ARHGEF33: variants seen among roughly 807,000 people sequenced by gnomAD.
ARHGEF33 encodes the protein DH and coiled-coil domain-containing protein ENSP00000381780.
ARHGEF33 carries 72 observed loss-of-function variants against 101.9 expected under a neutral mutation model. The ratio of observed to expected loss-of-function variants is 0.71; its 90% CI spans 0.58 to 0.86. ARHGEF33 has a LOEUF of 0.86. ARHGEF33 is among the 40% of genes least tolerant of loss of function. The pLI is 0.00. For missense variants in ARHGEF33, 1,169 were observed against 1,111.3 expected (o/e 1.05, Z -0.74); for synonymous variants, 499 against 442.5 (o/e 1.13, Z -1.60).
chr2:38,897,239 C>T (rs1666142407), intron 2 of ARHGEF33, among the ~76,000 whole-genome samples: 1 of 152,156 alleles, frequency 6.6e-6, no homozygotes, highest in Non-Finnish European at 1.5e-5. Context: ...TCATAGTACA[C>T]TCGGCAAGAG....
rs115845689 is a variant in ARHGEF33, at chr2:38,928,565, G to A, written c.76-342G>A. ...CTTTCACAGAATTCAAAGAGTTATTGGATCAAGATTCACATACATGTTTCT... is the reference window on the plus strand; with the variant it reads ...CTTTCACAGAATTCAAAGAGTTATTAGATCAAGATTCACATACATGTTTCT... On this transcript the variant is annotated intron_variant, in intron 4 of 17. Coordinates refer to ENST00000409978, the MANE Select transcript of ARHGEF33 (RefSeq NM_001145451.5). Among the ~76,000 whole-genome samples, 1,289 of 152,206 alleles carry A rather than the reference G, an allele frequency of 8.5e-3. 26 individuals carry two copies. The highest frequency in any genetic ancestry group is 0.059 in the East Asian group (304 of 5,174).
rs1486198743 is a variant in ARHGEF33 at position 38,960,368 on chromosome 2, G to C, written c.2063G>C (p.Ser688Thr). ...KSATSPAGSS[S>T]AYKLEAAAQA... ...GCTACGTCGCCGGCGGGCAGCAGCA[G>C]CGCCTACAAACTGGAGGCGGCGGCG... Residue 688 changes from serine to threonine, a missense_variant, in exon 16 of 18, where the codon AGC (serine) becomes ACC (threonine). Coordinates refer to ENST00000409978, the MANE Select transcript of ARHGEF33 (RefSeq NM_001145451.5). 6.6e-7 allele frequency: 1 copy of C among 1,525,080 alleles called. No homozygotes were observed. Among genetic ancestry groups the C allele is most frequent in the Non-Finnish European group, 8.8e-7 (1 of 1,140,836 alleles). 94.5% of individuals were successfully genotyped at this position (1,525,080 alleles called of 1,614,324 possible). A position where few individuals can be genotyped will look rare whatever the true frequency, so the allele number is the denominator to read the frequency against.
intron 17 of ARHGEF33, among the ~76,000 whole-genome samples, chr2:38,970,682 A>G (rs1175127637): frequency 6.6e-6 from 1 of 152,256 alleles, no homozygotes; most frequent in African/African-American, 2.4e-5. Context: ...TTAGGAGCTT[A>G]CAGATCAATT....
intron 17 of ARHGEF33, among the ~76,000 whole-genome samples, chr2:38,967,387 G>A (rs1412142659): frequency 1.3e-5 from 2 of 152,192 alleles, no homozygotes; most frequent in African/African-American, 2.4e-5. Flanking sequence ...AAGGAACCCA[G>A]TGCATGCTTG....
intron 16 of ARHGEF33, among the ~76,000 whole-genome samples, chr2:38,964,798 C>T (rs960522652): frequency 1.3e-5 from 2 of 152,158 alleles, no homozygotes; most frequent in Non-Finnish European, 2.9e-5. Context: ...TTAAATCATT[C>T]GTTTTCAAAT....
chr2:38,953,218 A>AGG lies in ARHGEF33; in HGVS notation c.1110_1111insGG (p.Leu371GlyfsTer6), dbSNP rs1161794675. On this transcript the variant is annotated frameshift_variant, in exon 12 of 18. Transcript: ENST00000409978. LOFTEE classifies it high-confidence loss of function. ...TAAGGGACCTGCCTGAGTGCATCTCATTGGTTCATGTTGTAGTCCTGAAAG... is the reference window on the plus strand; with the variant it reads ...TAAGGGACCTGCCTGAGTGCATCTCAGGTTGGTTCATGTTGTAGTCCTGAAAG... The AGG allele has an allele frequency of 1.3e-6, 2 of 1,542,282 alleles. No individual in the cohort carries two copies. Among genetic ancestry groups the AGG allele is most frequent in the South Asian group, 2.4e-5 (2 of 83,878 alleles).
At chr2:38,953,371 C>A in intron 12 of ARHGEF33, 126 bp downstream of exon 12, 2 of 627,206 alleles carry the variant, frequency 3.2e-6, no homozygotes, top group East Asian at 2.8e-5. Context: ...TGAACACAGC[C>A]ACTAATACCA....
intron 4 of ARHGEF33, among the ~76,000 whole-genome samples, chr2:38,924,932 A>C (rs2124994936): frequency 1.3e-5 from 2 of 152,344 alleles, no homozygotes; most frequent in South Asian, 4.1e-4. Flanking sequence ...GAAAAATTAC[A>C]AGCAACATAA....
intron 14 of ARHGEF33, 74 bp downstream of exon 14, chr2:38,957,121 G>T: frequency 6.7e-7 from 1 of 1,499,356 alleles, no homozygotes; most frequent in Non-Finnish European, 9.1e-7. Context: ...TAACCACGTT[G>T]TGTGTTAAGT....
intron 7 of ARHGEF33, among the ~76,000 whole-genome samples, chr2:38,933,866 G>A (rs1319484544): frequency 3.9e-5 from 6 of 152,184 alleles, no homozygotes; most frequent in Non-Finnish European, 8.8e-5. Flanking sequence ...GGCCCCATCT[G>A]AGAAGGCAGC....
intron 2 of ARHGEF33, among the ~76,000 whole-genome samples, chr2:38,909,614 C>T (rs1666466232): frequency 6.6e-6 from 1 of 150,542 alleles, no homozygotes; most frequent in African/African-American, 2.4e-5. Flanking sequence ...GCTGGGATTA[C>T]AGGCATGAGT....
intron 13 of ARHGEF33, among the ~76,000 whole-genome samples, chr2:38,955,404 G>A (rs759811739): frequency 2.2e-4 from 33 of 148,932 alleles, no homozygotes; most frequent in Middle Eastern, 3.5e-3. Flanking sequence ...CAATGAAAGC[G>A]TCTTAGAAAT....
chr2:38,928,932 A>G lies in ARHGEF33; in HGVS notation c.101A>G (p.Lys34Arg). The G allele has an allele frequency of 6.4e-7, 1 of 1,550,482 alleles. No homozygotes were observed. The highest frequency in any genetic ancestry group is 8.7e-7 in the Non-Finnish European group (1 of 1,146,506). The change falls in exon 5 of 18, where the codon AAA becomes AGA. Residue 34 changes from lysine (K) to arginine (R), a missense_variant. Lys to Arg is a conservative substitution (Grantham distance 26). Transcript: ENST00000409978. ...YQLQALASEL[K>R]TGFTEAMQEL... is the part of the protein sequence containing the mutation. Reference sequence around the variant, plus strand: ...TTGCAGGCCCTAGCCTCCGAACTCAAAACTGGTTTCACAGAAGCAATGCAA... The same window carrying G: ...TTGCAGGCCCTAGCCTCCGAACTCAGAACTGGTTTCACAGAAGCAATGCAA...
chr2:38,904,898 C>T (rs191664173), intron 2 of ARHGEF33, among the ~76,000 whole-genome samples: 9 of 151,970 alleles, frequency 5.9e-5, no homozygotes, highest in East Asian at 5.8e-4. Context: ...TCCAAAGAGG[C>T]GACAATGAAA....
intron 9 of ARHGEF33, among the ~76,000 whole-genome samples, chr2:38,938,759 A>G (rs541968137): frequency 3.0e-4 from 45 of 152,194 alleles, no homozygotes; most frequent in Non-Finnish European, 5.1e-4. Context: ...CACCCAAAGA[A>G]CCACTATTAT....
chr2:38,968,845 G>C (rs1445715697), intron 17 of ARHGEF33, among the ~76,000 whole-genome samples: 1 of 152,192 alleles, frequency 6.6e-6, no homozygotes, highest in African/African-American at 2.4e-5. Context: ...TGCTGCAGTG[G>C]GCACTTTGGA....
chr2:38,936,531 C>T (rs1312197883), intron 8 of ARHGEF33, among the ~76,000 whole-genome samples: 1 of 152,226 alleles, frequency 6.6e-6, no homozygotes, highest in South Asian at 2.1e-4. Flanking sequence ...TTAAAAAGCT[C>T]CTTATATAGT....
chr2:38,961,191 T>C (rs1209728943), intron 16 of ARHGEF33, among the ~76,000 whole-genome samples: 2 of 152,224 alleles, frequency 1.3e-5, no homozygotes, highest in South Asian at 2.1e-4. Context: ...TAGCTCAAGG[T>C]AGACTCGCTG....
rs1668240332 is a variant in ARHGEF33 at position 38,974,768 on chromosome 2, C to T, written c.*925C>T. 6.6e-6 allele frequency: 1 copy of T among 152,230 alleles called. No individual in the cohort carries two copies. The highest frequency in any genetic ancestry group is 6.5e-5 in the Admixed American group (1 of 15,280). 9.4% of individuals were successfully genotyped at this position (152,230 alleles called of 1,614,324 possible). ...CACCAAAACTTCAATGGCTCACACA[C>T]AGCAGTTGCTACAAACAGCAGGTCA... On this transcript the variant is annotated 3_prime_UTR_variant, in exon 18 of 18. Coordinates refer to ENST00000409978, the MANE Select transcript of ARHGEF33 (RefSeq NM_001145451.5).
Sources: allele counts gnomAD v4.1 joint callset (sites outside exome capture counted in the v4.1 genomes callset), GRCh38; gene constraint gnomAD v4.1.1; transcripts MANE v1.5; gene names NCBI Gene and HGNC (gene_info 2026-07-23, HGNC 2026-07-21).